The following DTNB variants were observed in gnomAD, a reference collection of about 807,000 sequenced individuals.
The protein encoded by DTNB is dystrobrevin beta.
In DTNB, 63 loss-of-function variants were observed where a neutral mutation model predicts 90.7. The observed-to-expected ratio is 0.69, with a 90% CI of 0.57 to 0.86. The LOEUF (loss-of-function observed/expected upper bound fraction) is 0.86. Ranked by LOEUF, DTNB falls within the 40% of genes least tolerant of loss-of-function variation. DTNB has a pLI of 0.00. For synonymous variants in DTNB, 277 were observed against 286.7 expected, an observed-to-expected ratio of 0.97 and a Z score of 0.34; for missense variants, 744 against 807.1, an observed-to-expected ratio of 0.92 and a Z score of 0.95.
At chr2:25,489,020 G>C (rs527500076) in intron 9 of DTNB, among the ~76,000 whole-genome samples, 5 of 152,274 alleles carry the variant, frequency 3.3e-5, no homozygotes, top group Admixed American at 2.6e-4. Context: ...GCAGTAAGAG[G>C]GTGGCTTAGA....
At chr2:25,531,364 C>A in intron 9 of DTNB, 109 bp downstream of exon 9, 1 of 1,469,678 alleles carries the variant, frequency 6.8e-7, no homozygotes. Context: ...AAAGTAAAAA[C>A]CTGAGAAGTT....
At chr2:25,499,808 T>C (rs925263621) in intron 9 of DTNB, among the ~76,000 whole-genome samples, 11 of 152,232 alleles carry the variant, frequency 7.2e-5, no homozygotes, top group East Asian at 1.9e-4. Context: ...AAAACCACAA[T>C]TGGAACACAC....
At chr2:25,501,243 C>T (rs1330598568) in intron 9 of DTNB, among the ~76,000 whole-genome samples, 1 of 151,508 alleles carries the variant, frequency 6.6e-6, no homozygotes, top group Admixed American at 6.6e-5. Flanking sequence ...AACAGGGTCT[C>T]ACTCTGTCAC....
chr2:25,540,713 C>T (rs2081023844), intron 8 of DTNB, among the ~76,000 whole-genome samples: 1 of 152,032 alleles, frequency 6.6e-6, no homozygotes, highest in African/African-American at 2.4e-5. Flanking sequence ...ATTCTTCTGC[C>T]TTGGGATCCT....
intron 12 of DTNB, among the ~76,000 whole-genome samples, chr2:25,450,048 T>A (rs1558575087): frequency 6.6e-6 from 1 of 152,210 alleles, no homozygotes. Context: ...AGATTTTACA[T>A]TTGATAGGGT....
At chr2:25,638,235 C>T (rs1047918713) in intron 3 of DTNB, among the ~76,000 whole-genome samples, 8 of 152,128 alleles carry the variant, frequency 5.3e-5, no homozygotes, top group African/African-American at 1.9e-4. Flanking sequence ...GGAGGGATAG[C>T]ATTAGGAGAT....
intron 12 of DTNB, among the ~76,000 whole-genome samples, chr2:25,434,928 T>C (rs1425038875): frequency 6.6e-6 from 1 of 152,194 alleles, no homozygotes; most frequent in Non-Finnish European, 1.5e-5. Flanking sequence ...TTAACCATCC[T>C]AGTAGGTATC....
chr2:25,584,529 A>G lies in DTNB; in HGVS notation c.604-3703T>C, dbSNP rs142762242. ...TATAATAGGTTCATCATTATTTTTA[A>G]GTGACTTAGTTTTCTTTTATTTCTC... On this transcript the variant is annotated intron_variant, in intron 6 of 20. Transcript: ENST00000406818. Among the ~76,000 whole-genome samples the G allele has an allele frequency of 1.8e-3, 278 of 152,052 alleles. 2 individuals carry two copies. Among genetic ancestry groups the G allele is most frequent in the African/African-American group, 6.3e-3 (262 of 41,472 alleles).
At chr2:25,439,547 T>C (rs2056867747) in intron 12 of DTNB, among the ~76,000 whole-genome samples, 1 of 152,152 alleles carries the variant, frequency 6.6e-6, no homozygotes, top group Admixed American at 6.5e-5. Context: ...GAGAACTCTC[T>C]GTACTATCTT....
At chr2:25,478,271 TG>T (rs1432739019) in intron 10 of DTNB, among the ~76,000 whole-genome samples, 1 of 152,210 alleles carries the variant, frequency 6.6e-6, no homozygotes, top group African/African-American at 2.4e-5. Flanking sequence ...TCCAGATGAC[TG>T]GGTATAAATT....
rs900643862 is a variant in DTNB, at chr2:25,616,954, G to GAAAA, written c.363-9637_363-9634dup. Among the ~76,000 whole-genome samples, 447 of 97,330 alleles carry GAAAA rather than the reference G, an allele frequency of 4.6e-3. 56 individuals are homozygous for GAAAA. The highest frequency in any genetic ancestry group is 6.4e-3 in the Middle Eastern group (1 of 156). The allele number at this position is 97,330 out of a possible 152,430, so 63.9% of individuals were successfully genotyped here. A position where few individuals can be genotyped will look rare whatever the true frequency, so the allele number is the denominator to read the frequency against. The stretch of plus-strand genomic sequence containing the variant: ...CTCAAAAAAAAAAAAAAAAAAAAAG[G>GAAAA]AAAAAAAAGACTCATTAACCCCTCA... On this transcript the variant is annotated intron_variant, in intron 4 of 20. Coordinates refer to ENST00000406818, the MANE Select transcript of DTNB (RefSeq NM_021907.5).
rs2056468548 is a variant in DTNB at position 25,552,473 on chromosome 2, TGCCCTGTCACTG to T, written c.877-20888_877-20877del. Among the ~76,000 whole-genome samples, 5 of 152,220 alleles carry T rather than the reference TGCCCTGTCACTG, an allele frequency of 3.3e-5. No homozygotes were observed. In the South Asian group the frequency reaches 1.0e-3, roughly 31 times the overall value. On this transcript the variant is annotated intron_variant, in intron 8 of 20. Transcript: ENST00000406818. Reference sequence around the variant, plus strand: ...CATCACCATGCTACACTTCCAGCATTGCCCTGTCACTGGCCCTGGGCCCCTCACAGCTCCCCG... The same window carrying T: ...CATCACCATGCTACACTTCCAGCATTGCCCTGGGCCCCTCACAGCTCCCCG...
intron 4 of DTNB, among the ~76,000 whole-genome samples, chr2:25,610,198 C>A (rs1273108665): frequency 6.6e-6 from 1 of 152,162 alleles, no homozygotes; most frequent in Admixed American, 6.5e-5. Flanking sequence ...GCAGCCTCAA[C>A]CTCCTGGGCT....
At chr2:25,378,816 T>A (rs1317423914) in intron 20 of DTNB, among the ~76,000 whole-genome samples, 1 of 152,220 alleles carries the variant, frequency 6.6e-6, no homozygotes, top group Non-Finnish European at 1.5e-5. Flanking sequence ...GTAGTCAGTG[T>A]GATCCTGCAT....
At chr2:25,527,440 T>C (rs991024769) in intron 9 of DTNB, among the ~76,000 whole-genome samples, 5 of 151,978 alleles carry the variant, frequency 3.3e-5, no homozygotes, top group African/African-American at 1.2e-4. Context: ...GAAGAATCAC[T>C]TGAACCCGGG....
At chr2:25,434,113 AC>A in intron 12 of DTNB, 118 bp from the exon 13 acceptor site, 1 of 903,778 alleles carries the variant, frequency 1.1e-6, no homozygotes, top group East Asian at 2.7e-5. Flanking sequence ...TCATAAATCC[AC>A]CCGTTTTAAG....
Position 25,462,703 on chromosome 2 carries a change from A to C in DTNB, c.1080-7209T>G, listed in dbSNP as rs137860086. On this transcript the variant is annotated intron_variant, in intron 10 of 20. Coordinates refer to ENST00000406818, the MANE Select transcript of DTNB (RefSeq NM_021907.5). ...ATATCTTCTCTTGTTTATACTCAGA[A>C]CACTCTTTTTTTTTTTTTGAGACGG... Among the ~76,000 whole-genome samples the C allele has an allele frequency of 4.0e-3, 604 of 151,728 alleles. 4 individuals are homozygous for C. Among genetic ancestry groups the C allele is most frequent in the African/African-American group, 0.014 (567 of 41,434 alleles).
chr2:25,649,897 T>C, intron 2 of DTNB: 1 of 412,226 alleles, frequency 2.4e-6, no homozygotes, highest in Non-Finnish European at 3.3e-6. Context: ...AGAAAGTAGT[T>C]ATGCTGGAGT....
intron 12 of DTNB, among the ~76,000 whole-genome samples, chr2:25,435,417 C>T (rs1389246979): frequency 6.6e-6 from 1 of 152,206 alleles, no homozygotes; most frequent in Admixed American, 6.5e-5. Flanking sequence ...TCCCCCTTCC[C>T]TCGCCCTTGA....
Sources: allele counts gnomAD v4.1 joint callset (sites outside exome capture counted in the v4.1 genomes callset), GRCh38; gene constraint gnomAD v4.1.1; transcripts MANE v1.5; gene names NCBI Gene and HGNC (gene_info 2026-07-23, HGNC 2026-07-21).